The following GDA variants were observed in gnomAD, a reference collection of about 807,000 sequenced individuals.
GDA encodes guanine deaminase, also known as cytoplasmic PSD-95 interactor.
GDA carries 18 observed loss-of-function variants against 59.6 expected under a neutral mutation model. The observed-to-expected ratio is 0.30, with a 90% confidence interval of 0.21 to 0.45. The LOEUF (loss-of-function observed/expected upper bound fraction) is 0.45, where lower values mean the gene tolerates loss of function less well. Ranked by LOEUF, GDA falls within the 20% of genes least tolerant of loss-of-function variation. The probability of loss-of-function intolerance (pLI) is 1.00; values close to 1 mark genes in which losing one functional copy is unlikely to be tolerated. For synonymous variants in GDA, 201 were observed against 201.1 expected (o/e 1.00, Z 0.00); for missense variants, 427 against 552.3 (o/e 0.77, Z 2.27).
intron 2 of GDA, among the ~76,000 whole-genome samples, chr9:72,200,204 G>C (rs1833795037): frequency 6.6e-6 from 1 of 151,942 alleles, no homozygotes; most frequent in Non-Finnish European, 1.5e-5. Flanking sequence ...CACCGTGTTA[G>C]CCAGGATGGT....
intron 1 of GDA, among the ~76,000 whole-genome samples, chr9:72,190,042 A>T: frequency 6.6e-6 from 1 of 152,144 alleles, no homozygotes; most frequent in Non-Finnish European, 1.5e-5. Flanking sequence ...TAATCAGTGG[A>T]TTAATGCCAT....
rs532448561 is a variant in GDA, at chr9:72,239,176, G to C, written c.989-1976G>C. ...TGGAAATCCCTGGAAAAAAAGGCTT[G>C]ACTCTTACTAAATACCATGAAATTA... On this transcript the variant is annotated intron_variant, in intron 10 of 13. Transcript: ENST00000358399. Among the ~76,000 whole-genome samples, 15 of 152,254 alleles carry C rather than the reference G, an allele frequency of 9.9e-5. No homozygotes were observed. In the South Asian group the frequency reaches 3.1e-3, roughly 32 times the overall value.
intron 1 of GDA, among the ~76,000 whole-genome samples, chr9:72,160,054 C>T (rs1233889878): frequency 6.6e-6 from 1 of 152,134 alleles, no homozygotes; most frequent in Non-Finnish European, 1.5e-5. Context: ...AATCCCAGCA[C>T]TTTCGGAGGC....
At chr9:72,228,081 G>A in intron 9 of GDA, 41 bp downstream of exon 9, 2 of 1,136,836 alleles carry the variant, frequency 1.8e-6, no homozygotes, top group South Asian at 2.6e-5. Context: ...CGAATGATTG[G>A]GTTGCAGATT....
intron 3 of GDA, among the ~76,000 whole-genome samples, chr9:72,210,092 C>T (rs1357069824): frequency 6.6e-6 from 1 of 152,114 alleles, no homozygotes. Context: ...CCAGCCAGTC[C>T]CCTGCTAAAA....
At chr9:72,235,063 G>A (rs1054059479) in intron 10 of GDA, among the ~76,000 whole-genome samples, 1 of 152,074 alleles carries the variant, frequency 6.6e-6, no homozygotes, top group Non-Finnish European at 1.5e-5. Flanking sequence ...GCCATGGGGG[G>A]AAATAATGGC....
At chr9:72,157,657 T>C (rs548637013) in intron 1 of GDA, among the ~76,000 whole-genome samples, 2 of 152,320 alleles carry the variant, frequency 1.3e-5, no homozygotes, top group East Asian at 3.9e-4. Flanking sequence ...CATTCTAGTA[T>C]TTCCCCCACA....
Position 72,134,329 on chromosome 9 carries a change from G to A in GDA, c.-100+19496G>A, listed in dbSNP as rs547002434. 1.3e-5 allele frequency among the ~76,000 whole-genome samples: 2 copies of A among 151,954 alleles called. 1 individual carries two copies. The highest frequency in any genetic ancestry group is 4.1e-4 in the South Asian group (2 of 4,824). ...TGCTCTAACTAGCTCCCTGACTGAGGGTGAAACCTAAATTTGTATTTCTGA... is the reference window on the plus strand; with the variant it reads ...TGCTCTAACTAGCTCCCTGACTGAGAGTGAAACCTAAATTTGTATTTCTGA... On this transcript the variant is annotated intron_variant, in intron 1 of 13. Transcript: ENST00000545168.
intron 1 of GDA, among the ~76,000 whole-genome samples, chr9:72,153,185 T>TTACTGTAGTATA (rs1215472435): frequency 3.3e-5 from 5 of 152,180 alleles, no homozygotes; most frequent in South Asian, 2.1e-4. Flanking sequence ...GCTGTTTTGG[T>TTACTGTAGTATA]TACTGTAGCC....
At chr9:72,116,370 A>G (rs1041000714) in intron 1 of GDA, among the ~76,000 whole-genome samples, 1 of 148,746 alleles carries the variant, frequency 6.7e-6, no homozygotes, top group East Asian at 2.0e-4. Context: ...CTACACCTCT[A>G]TGAAGTTTCC....
intron 1 of GDA, among the ~76,000 whole-genome samples, chr9:72,123,314 G>C (rs1488287567): frequency 6.7e-6 from 1 of 150,254 alleles, no homozygotes; most frequent in East Asian, 2.0e-4. Context: ...CTCCCAAATA[G>C]CTGGGACTAC....
intron 1 of GDA, among the ~76,000 whole-genome samples, chr9:72,136,819 C>T (rs1446444898): frequency 5.9e-5 from 9 of 151,898 alleles, no homozygotes; most frequent in Non-Finnish European, 1.0e-4. Flanking sequence ...AGTAAAAATA[C>T]AAAAAATTAG....
chr9:72,138,878 A>C (rs1460933304), intron 1 of GDA, among the ~76,000 whole-genome samples: 1 of 152,274 alleles, frequency 6.6e-6, no homozygotes, highest in Non-Finnish European at 1.5e-5. Flanking sequence ...GTAACAGCAC[A>C]TTAAACAACA....
At chr9:72,118,273 C>CAAAAAAAAAAAAAAA (rs373179585) in intron 1 of GDA, among the ~76,000 whole-genome samples, 1 of 66,158 alleles carries the variant, frequency 1.5e-5, no homozygotes, top group African/African-American at 6.8e-5. Context: ...GACTCCACCT[C>CAAAAAAAAAAAAAAA]AAAAAAAAAA....
At chr9:72,119,325 C>T (rs1825580673) in intron 1 of GDA, among the ~76,000 whole-genome samples, 1 of 152,064 alleles carries the variant, frequency 6.6e-6, no homozygotes, top group African/African-American at 2.4e-5. Context: ...GCCAACATGG[C>T]AAAACCACAT....
intron 1 of GDA, among the ~76,000 whole-genome samples, chr9:72,142,139 A>G (rs551615816): frequency 1.8e-4 from 28 of 152,302 alleles, no homozygotes; most frequent in African/African-American, 6.3e-4. Context: ...CATGCTAGAT[A>G]GTTCATGTTC....
intron 3 of GDA, among the ~76,000 whole-genome samples, chr9:72,207,004 T>G (rs1021789054): frequency 6.6e-6 from 1 of 152,142 alleles, no homozygotes; most frequent in Non-Finnish European, 1.5e-5. Context: ...AAATTATTTA[T>G]CTATCAGCAT....
intron 13 of GDA, 27 bp from the exon 14 acceptor site, chr9:72,248,245 T>C: frequency 6.7e-7 from 1 of 1,490,070 alleles, no homozygotes; most frequent in Non-Finnish European, 9.4e-7. Flanking sequence ...AAGGATTTTA[T>C]ACATGATTCC....
intron 5 of GDA, among the ~76,000 whole-genome samples, chr9:72,216,038 A>G (rs1290128303): frequency 6.6e-6 from 1 of 152,236 alleles, no homozygotes; most frequent in Non-Finnish European, 1.5e-5. Flanking sequence ...CAAGTTAAGC[A>G]AAGCAAGTTT....
Sources: allele counts gnomAD v4.1 joint callset (sites outside exome capture counted in the v4.1 genomes callset), GRCh38; gene constraint gnomAD v4.1.1; transcripts MANE v1.5; gene names NCBI Gene and HGNC (gene_info 2026-07-23, HGNC 2026-07-21).